The following MAP3K14 variants were observed in gnomAD, a reference collection of about 807,000 sequenced individuals.
MAP3K14 encodes mitogen-activated protein kinase kinase kinase 14.
MAP3K14 carries 16 observed loss-of-function variants against 99.2 expected under a neutral mutation model. That is an observed-to-expected ratio of 0.16 (90% confidence interval 0.11 to 0.24). MAP3K14 has a LOEUF of 0.24. Among genes scored for constraint, MAP3K14 ranks in the 10% least tolerant of loss-of-function variants. The pLI, the probability that MAP3K14 is intolerant of heterozygous loss-of-function variation, is 1.00. For synonymous variants in MAP3K14, 462 were observed against 492.4 expected (o/e 0.94, Z 0.82); for missense variants, 784 against 1,208.7 (o/e 0.65, Z 5.21).
intron 6 of MAP3K14, among the ~76,000 whole-genome samples, chr17:45,274,949 A>C (rs1350392887): frequency 2.0e-5 from 3 of 150,710 alleles, no homozygotes; most frequent in African/African-American, 7.3e-5. Flanking sequence ...CATCCTGGCT[A>C]ACACAGTGAA....
intron 1 of MAP3K14, among the ~76,000 whole-genome samples, chr17:45,302,497 C>T (rs779929216): frequency 5.9e-5 from 9 of 151,690 alleles, no homozygotes; most frequent in East Asian, 1.9e-4. Flanking sequence ...TAGTAGAGAC[C>T]GGGTTTCACC....
intron 1 of MAP3K14, among the ~76,000 whole-genome samples, chr17:45,315,758 C>T (rs1598271125): frequency 6.6e-6 from 1 of 152,252 alleles, no homozygotes; most frequent in African/African-American, 2.4e-5. Context: ...ATATACCACC[C>T]CCACTCCCTC....
chr17:45,297,716 CTTTTTTTT>C (rs34809589), intron 1 of MAP3K14, among the ~76,000 whole-genome samples: 3 of 110,960 alleles, frequency 2.7e-5, no homozygotes, highest in African/African-American at 1.0e-4. Flanking sequence ...TGGTTTAAAT[CTTTTTTTT>C]TTTTTTTTTT....
intron 6 of MAP3K14, among the ~76,000 whole-genome samples, chr17:45,277,470 T>C (rs2044189574): frequency 6.6e-6 from 1 of 152,194 alleles, no homozygotes; most frequent in Admixed American, 6.5e-5. Context: ...TTTTGGACTT[T>C]TGCCTATCAG....
chr17:45,316,480 C>T (rs943046260), intron 1 of MAP3K14, among the ~76,000 whole-genome samples: 8 of 152,340 alleles, frequency 5.3e-5, no homozygotes, highest in Admixed American at 2.0e-4. Context: ...GGCTTAGCTC[C>T]TGCTCCCCGC....
chr17:45,266,392 G>A (rs2044082516), intron 14 of MAP3K14, 145 bp downstream of exon 14: 2 of 1,058,266 alleles, frequency 1.9e-6, no homozygotes, highest in Non-Finnish European at 2.7e-6. Flanking sequence ...CAACTTACTG[G>A]CCAGGAACCT....
intron 6 of MAP3K14, chr17:45,281,508 A>T (rs2044222944): frequency 6.6e-6 from 1 of 150,744 alleles, no homozygotes; most frequent in South Asian, 2.1e-4. Flanking sequence ...CACCTGGCTA[A>T]TTTTTGTATT....
Position 45,264,625 on chromosome 17 carries a change from G to A in MAP3K14, c.*11C>T. ...CTTCCGGCAGTGTGGAGCCGGCGGT[G>A]GAGGGCAGGGTTAGGGCCTGTTCTC... On this transcript the variant is annotated 3_prime_UTR_variant, in exon 16 of 16. Transcript: ENST00000344686. 1 of 1,565,444 alleles carries A rather than the reference G, an allele frequency of 6.4e-7. No homozygotes were observed. Among genetic ancestry groups the A allele is most frequent in the Non-Finnish European group, 8.7e-7 (1 of 1,155,910 alleles).
Position 45,286,435 on chromosome 17 carries a change from G to T in MAP3K14, c.1148C>A (p.Thr383Asn). Reference protein sequence around the residue: ...KTEDNEGVLLTEKLKPVDYEY... With the variant: ...KTEDNEGVLLNEKLKPVDYEY... ...AGGTGCCGGGGGATTAGTTACCTCA[G>T]TGAGCAGGACACCCTCGTTGTCCTC... The change falls in exon 5 of 16, where the codon ACT becomes AAT. Residue 383 changes from threonine (T) to asparagine (N), a missense_variant. By Grantham distance (65) the Thr-to-Asn change is moderately conservative. Coordinates refer to ENST00000344686, the MANE Select transcript of MAP3K14 (RefSeq NM_003954.5). The surrounding 1 kb of genome is among the most constrained non-coding windows in gnomAD (Gnocchi z 4.1). 1 of 1,587,436 alleles carries T rather than the reference G, an allele frequency of 6.3e-7. No homozygotes were observed. Among genetic ancestry groups the T allele is most frequent in the Non-Finnish European group, 8.6e-7 (1 of 1,163,086 alleles).
intron 2 of MAP3K14, among the ~76,000 whole-genome samples, chr17:45,290,169 A>C (rs2044299166): frequency 6.6e-6 from 1 of 152,148 alleles, no homozygotes; most frequent in Admixed American, 6.5e-5. Context: ...GAGCCTCTCC[A>C]GACACTGGGG....
At chr17:45,270,930 G>T in intron 10 of MAP3K14, 128 bp downstream of exon 10, 1 of 1,290,446 alleles carries the variant, frequency 7.7e-7, no homozygotes, top group South Asian at 1.3e-5. Flanking sequence ...TTTGAATTAG[G>T]ATCCCACATG....
At chr17:45,288,817 C>T (rs560800682) in intron 3 of MAP3K14, among the ~76,000 whole-genome samples, 176 of 152,208 alleles carry the variant, frequency 1.2e-3, no homozygotes, top group African/African-American at 4.0e-3. Flanking sequence ...CTACTCGGTG[C>T]ATCTCCCAGG....
intron 6 of MAP3K14, among the ~76,000 whole-genome samples, chr17:45,279,415 C>T (rs917237100): frequency 6.6e-6 from 1 of 151,910 alleles, no homozygotes; most frequent in Non-Finnish European, 1.5e-5. Context: ...GCGTGAGCCA[C>T]CACACCCAGC....
chr17:45,297,961 TGCCTGCCTTG>T (rs2044358289), intron 1 of MAP3K14, among the ~76,000 whole-genome samples: 1 of 151,996 alleles, frequency 6.6e-6, no homozygotes, highest in African/African-American at 2.4e-5. Context: ...TCAGGTGATC[TGCCTGCCTTG>T]GCCTCCTAAA....
At chr17:45,280,244 G>T (rs1365260309) in intron 6 of MAP3K14, among the ~76,000 whole-genome samples, 1 of 150,700 alleles carries the variant, frequency 6.6e-6, no homozygotes, top group Non-Finnish European at 1.5e-5. Flanking sequence ...TCTGGGAAAT[G>T]ATATGAATTA....
chr17:45,289,776 G>C (rs905284417), intron 2 of MAP3K14, among the ~76,000 whole-genome samples: 8 of 152,168 alleles, frequency 5.3e-5, no homozygotes, highest in Admixed American at 5.2e-4. Flanking sequence ...AACCAACCAG[G>C]AGGAAGTGGG....
In MAP3K14 at chr17:45,286,515, C is replaced by T; in HGVS notation, c.1068G>A (p.Leu356=). Residue 356 remains leucine (L), a synonymous_variant, in exon 5 of 16, where the codon CTG becomes CTA. Transcript: ENST00000344686. The surrounding 1 kb of genome is among the most constrained non-coding windows in gnomAD (Gnocchi z 4.1). ...AGCCCCTTGCTGCCCAGGTCTTGGCCAGGCTGGTCAGGCTGTGGGCCTGGC... is the reference window on the plus strand; with the variant it reads ...AGCCCCTTGCTGCCCAGGTCTTGGCTAGGCTGGTCAGGCTGTGGGCCTGGC... ...SSGQAHSLTS[L]AKTWAARGSR... 6.2e-7 allele frequency: 1 copy of T among 1,607,770 alleles called. No homozygotes were observed. Among genetic ancestry groups the T allele is most frequent in the Non-Finnish European group, 8.5e-7 (1 of 1,177,412 alleles).
At chr17:45,292,564 A>G (rs2044319031) in intron 1 of MAP3K14, among the ~76,000 whole-genome samples, 1 of 152,230 alleles carries the variant, frequency 6.6e-6, no homozygotes, top group African/African-American at 2.4e-5. Flanking sequence ...CCCTGTCTCT[A>G]AAAGAAAAAA....
chr17:45,269,161 C>T (rs1687404072), intron 11 of MAP3K14, among the ~76,000 whole-genome samples: 3 of 152,094 alleles, frequency 2.0e-5, no homozygotes, highest in Admixed American at 2.0e-4. Context: ...CACGCATGTG[C>T]CACCATGCCT....
Sources: gnomAD v4.1 joint callset for allele counts (sites outside exome capture counted in the v4.1 genomes callset) on GRCh38, gnomAD v4.1.1 for gene constraint, Gnocchi (gnomAD v3.1) non-coding constraint, MANE v1.5 for transcripts, NCBI Gene and HGNC (gene_info 2026-07-23, HGNC 2026-07-21) for gene names.